The following TULP3 variants were observed in gnomAD, a reference collection of about 807,000 sequenced individuals.
The protein encoded by TULP3 is TUB like protein 3, also known as tubby-related protein 3.
Under a neutral mutation model 50.7 loss-of-function variants are expected in TULP3, and 38 were observed. That is an observed-to-expected ratio of 0.75 (90% confidence interval 0.58 to 0.98). TULP3 has a LOEUF of 0.98. TULP3 is among the 50% of genes least tolerant of loss of function. The pLI is 0.00. For missense variants in TULP3, 550 were observed against 568.0 expected, an observed-to-expected ratio of 0.97 and a Z score of 0.32; for synonymous variants, 183 against 196.6, an observed-to-expected ratio of 0.93 and a Z score of 0.58.
chr12:2,923,070 T>C (rs748882892), intron 4 of TULP3, among the ~76,000 whole-genome samples: 3 of 151,938 alleles, frequency 2.0e-5, no homozygotes, highest in Non-Finnish European at 4.4e-5. Flanking sequence ...TTAGCCAGGA[T>C]GGTATCAATC....
intron 2 of TULP3, among the ~76,000 whole-genome samples, chr12:2,914,256 C>T (rs2153949145): frequency 6.6e-6 from 1 of 151,868 alleles, no homozygotes; most frequent in Non-Finnish European, 1.5e-5. Flanking sequence ...TCCTGAGTAG[C>T]TGGGATTATA....
At position 2,931,207 on chromosome 12, in the gene TULP3, C is replaced by A; in HGVS notation, c.663C>A (p.Tyr221Ter). Residue 221 changes from tyrosine (Y) to a stop codon, truncating the protein, a stop_gained, in exon 6 of 11, where the codon TAC becomes TAA. Coordinates refer to ENST00000448120, the MANE Select transcript of TULP3 (RefSeq NM_003324.5). LOFTEE classifies it high-confidence loss of function. ...TGGATCGGGGTCTCTTCCCCACCTA[C>A]TATATGTACTTGGAAAAAGAAGAAA... ...RGMDRGLFPTYYMYLEKEENQ... is the reference protein window; with the variant it reads ...RGMDRGLFPT 1 of 1,614,076 alleles carries A rather than the reference C, an allele frequency of 6.2e-7. No individual in the cohort carries two copies.
intron 1 of TULP3, among the ~76,000 whole-genome samples, chr12:2,900,921 C>T (rs889510513): frequency 6.7e-6 from 1 of 149,020 alleles, no homozygotes; most frequent in Admixed American, 6.8e-5. Context: ...CCATGTTGCC[C>T]AGGCTGGTCT....
At chr12:2,924,688 T>TA (rs753260061) in intron 4 of TULP3, among the ~76,000 whole-genome samples, 1,736 of 137,654 alleles carry the variant, frequency 0.013, 37 homozygotes, top group African/African-American at 0.042. Context: ...CTTTAAAAAT[T>TA]AAAAAAAAAA....
chr12:2,933,094 A>C, intron 6 of TULP3, among the ~76,000 whole-genome samples: 2 of 151,994 alleles, frequency 1.3e-5, no homozygotes, highest in African/African-American at 4.8e-5. Flanking sequence ...AGGCGTCTGC[A>C]ACCACGCCCA....
At chr12:2,931,964 G>A (rs866473768) in intron 6 of TULP3, among the ~76,000 whole-genome samples, 2 of 152,054 alleles carry the variant, frequency 1.3e-5, no homozygotes, top group Non-Finnish European at 2.9e-5. Context: ...CCTACCCCAC[G>A]TTGCACTAAG....
At chr12:2,926,712 C>T (rs1270483471) in intron 4 of TULP3, among the ~76,000 whole-genome samples, 4 of 151,914 alleles carry the variant, frequency 2.6e-5, no homozygotes, top group East Asian at 1.9e-4. Flanking sequence ...ACCAGCCTGG[C>T]CAACGTGGTG....
rs569508366 is a variant in TULP3 at position 2,912,843 on chromosome 12, G to A, written c.93+3263G>A. On this transcript the variant is annotated intron_variant, in intron 2 of 10. Coordinates refer to ENST00000448120, the MANE Select transcript of TULP3 (RefSeq NM_003324.5). The stretch of plus-strand genomic sequence containing the variant: ...AGTGACACATTAAAATATGATAGTA[G>A]GATTAATTCACCTCTTCTGAAGGGA... Among the ~76,000 whole-genome samples the A allele has an allele frequency of 2.9e-3, 446 of 152,210 alleles. 3 individuals are homozygous for A. The highest frequency in any genetic ancestry group is 0.01 in the African/African-American group (427 of 41,528).
At position 2,905,514 on chromosome 12, in the gene TULP3, A is replaced by G. The variant is rs550140800; in HGVS notation, c.42-4015A>G. On this transcript the variant is annotated intron_variant, in intron 1 of 10. Transcript: ENST00000448120. Reference sequence around the variant, plus strand: ...AAATGTCTTTATAGGTTATAATTTAACTAAAGGTATAACTTTTTAAATTAT... The same window carrying G: ...AAATGTCTTTATAGGTTATAATTTAGCTAAAGGTATAACTTTTTAAATTAT... Among the ~76,000 whole-genome samples, 4 of 152,290 alleles carry G rather than the reference A, an allele frequency of 2.6e-5. No homozygotes were observed. In the South Asian group the frequency reaches 6.2e-4, roughly 24 times the overall value.
chr12:2,910,402 A>G (rs1452280334), intron 2 of TULP3, among the ~76,000 whole-genome samples: 1 of 152,216 alleles, frequency 6.6e-6, no homozygotes, highest in Non-Finnish European at 1.5e-5. Context: ...TTGGATAACC[A>G]TTATATCAGA....
chr12:2,934,343 A>G, intron 7 of TULP3, 104 bp from the exon 8 acceptor site: 1 of 657,690 alleles, frequency 1.5e-6, no homozygotes, highest in Non-Finnish European at 2.5e-6. Context: ...ACATTGAGAC[A>G]TTTGGAAAAC....
intron 1 of TULP3, among the ~76,000 whole-genome samples, chr12:2,901,303 T>A (rs1295980496): frequency 9.1e-6 from 1 of 109,326 alleles, no homozygotes. Flanking sequence ...TTTCTTTCTT[T>A]CTTTCTTTCT....
intron 1 of TULP3, among the ~76,000 whole-genome samples, chr12:2,893,332 T>TTTTTG (rs1555110468): frequency 6.6e-6 from 1 of 150,494 alleles, no homozygotes; most frequent in African/African-American, 2.4e-5. Context: ...AATGTGTTTT[T>TTTTTG]TTTTTTTTTT....
Position 2,940,159 on chromosome 12 carries a change from AC to A in TULP3, c.*716del, listed in dbSNP as rs1177754745. 1 of 1,300,502 alleles carries A rather than the reference AC, an allele frequency of 7.7e-7. No individual in the cohort carries two copies. Among genetic ancestry groups the A allele is most frequent in the Non-Finnish European group, 1.0e-6 (1 of 996,810 alleles). The allele number at this position is 1,300,502 out of a possible 1,614,324, so 80.6% of individuals were successfully genotyped here. On this transcript the variant is annotated 3_prime_UTR_variant, in exon 11 of 11. Transcript: ENST00000448120. ...TCTAGAGGTGACTCAGTCAGGACTG[AC>A]AGTAATGTGATAATTGCCTTCATTT...
At position 2,913,201 on chromosome 12, in the gene TULP3, T is replaced by TGTGTGTG. The variant is rs1565501058; in HGVS notation, c.93+3621_93+3622insGTGTGTG. ...ACCCTAATGACTAATTATGTTGAGT[T>TGTGTGTG]TGTGTGTGTGTGTGTGTGTGTATGT... On this transcript the variant is annotated intron_variant, in intron 2 of 10. Coordinates refer to ENST00000448120, the MANE Select transcript of TULP3 (RefSeq NM_003324.5). Among the ~76,000 whole-genome samples the TGTGTGTG allele has an allele frequency of 2.4e-3, 353 of 146,572 alleles. 2 individuals carry two copies. The highest frequency in any genetic ancestry group is 8.7e-3 in the African/African-American group (342 of 39,346).
chr12:2,919,496 T>A (rs919540870), intron 2 of TULP3, among the ~76,000 whole-genome samples: 1 of 152,116 alleles, frequency 6.6e-6, no homozygotes. Context: ...CCCCTTGGAG[T>A]GACTCTTCTT....
chr12:2,917,890 A>G (rs1007055739), intron 2 of TULP3, among the ~76,000 whole-genome samples: 1 of 151,702 alleles, frequency 6.6e-6, no homozygotes, highest in African/African-American at 2.4e-5. Context: ...AAAAAAAGAA[A>G]ATATTTTCCT....
At chr12:2,933,614 A>G (rs918620569) in intron 7 of TULP3, 84 bp downstream of exon 7, 5 of 796,860 alleles carry the variant, frequency 6.3e-6, no homozygotes, top group East Asian at 2.6e-5. Context: ...CTTGGTTACA[A>G]CTAGCATGTA....
chr12:2,939,161 G>A lies in TULP3; in HGVS notation c.1196-150G>A. 1.2e-6 allele frequency: 1 copy of A among 836,380 alleles called. No individual in the cohort carries two copies. The highest frequency in any genetic ancestry group is 2.7e-5 in the East Asian group (1 of 37,554). The allele number at this position is 836,380 out of a possible 1,614,324, so 51.8% of individuals were successfully genotyped here. A position where few individuals can be genotyped will look rare whatever the true frequency, so the allele number is the denominator to read the frequency against. On this transcript the variant is annotated intron_variant, in intron 10 of 10. Transcript: ENST00000448120. This position sits in a 1 kb window ranked among gnomAD's most constrained non-coding sequence, Gnocchi z 4.0. ...GGATCACTTGAGCCTGGGACGGGAG[G>A]TCAAGGCTGCAGTGAGCTGTGGTCA... is the stretch of plus-strand genomic sequence containing the variant.
Sources: gnomAD v4.1 joint callset for allele counts (sites outside exome capture counted in the v4.1 genomes callset) on GRCh38, gnomAD v4.1.1 for gene constraint, Gnocchi (gnomAD v3.1) non-coding constraint, MANE v1.5 for transcripts, NCBI Gene and HGNC (gene_info 2026-07-23, HGNC 2026-07-21) for gene names.